The following CFAP206 variants were observed in gnomAD, a reference collection of about 807,000 sequenced individuals.
The protein encoded by CFAP206 is cilia- and flagella-associated protein 206.
In CFAP206, 53 loss-of-function variants were observed where a neutral mutation model predicts 65.4. The observed-to-expected ratio is 0.81, with a 90% confidence interval of 0.65 to 1.02. The LOEUF (loss-of-function observed/expected upper bound fraction) is 1.02, where lower values mean the gene tolerates loss of function less well. CFAP206 is among the 50% of genes least tolerant of loss of function. The probability of loss-of-function intolerance (pLI) is 0.00; values close to 1 mark genes in which losing one functional copy is unlikely to be tolerated. For synonymous variants in CFAP206, 250 were observed against 254.4 expected, an observed-to-expected ratio of 0.98 and a Z score of 0.17; for missense variants, 663 against 753.2, an observed-to-expected ratio of 0.88 and a Z score of 1.40.
intron 8 of CFAP206, among the ~76,000 whole-genome samples, chr6:87,427,450 T>G (rs982953748): frequency 5.9e-5 from 9 of 152,218 alleles, no homozygotes; most frequent in African/African-American, 2.2e-4. Flanking sequence ...ATATGTAGTA[T>G]TATTATAGAG....
At chr6:87,436,573 A>C (rs1582143287) in intron 11 of CFAP206, 1 of 152,978 alleles carries the variant, frequency 6.5e-6, no homozygotes, top group African/African-American at 2.4e-5. Context: ...TCATCTGAGG[A>C]GGGTGGGGGG....
At position 87,463,339 on chromosome 6, in the gene CFAP206, G is replaced by A. The variant is rs573010732; in HGVS notation, c.1639-681G>A. On this transcript the variant is annotated intron_variant, in intron 12 of 12. Transcript: ENST00000369562. ...TATTGGGGAGTAGTTTCGGTTCTCA[G>A]TCACCTGCAGTATCTCAAACTCTGA... Among the ~76,000 whole-genome samples the A allele has an allele frequency of 1.1e-3, 172 of 152,310 alleles. 1 individual carries two copies. The South Asian group carries it at 0.012, about 11-fold the overall frequency.
At chr6:87,416,631 AT>A in intron 5 of CFAP206, 37 bp from the exon 6 acceptor site, 1 of 1,538,808 alleles carries the variant, frequency 6.5e-7, no homozygotes, top group Non-Finnish European at 8.8e-7. Flanking sequence ...TTATTCTATC[AT>A]TTTGTTTTCC....
chr6:87,462,804 C>G (rs891219718), intron 12 of CFAP206, among the ~76,000 whole-genome samples: 2 of 152,168 alleles, frequency 1.3e-5, no homozygotes, highest in South Asian at 4.1e-4. Context: ...CTGACTCTCA[C>G]CTTGGGCCTT....
At chr6:87,422,967 G>A (rs189509062) in intron 7 of CFAP206, among the ~76,000 whole-genome samples, 4 of 152,130 alleles carry the variant, frequency 2.6e-5, no homozygotes, top group Non-Finnish European at 5.9e-5. Flanking sequence ...CTGTCACCCA[G>A]GCTGGAGTGC....
chr6:87,420,466 G>A (rs181002571), intron 7 of CFAP206, among the ~76,000 whole-genome samples: 2 of 152,336 alleles, frequency 1.3e-5, no homozygotes, highest in Admixed American at 1.3e-4. Context: ...GAAATGATGA[G>A]TGTGGTCTTT....
Position 87,409,847 on chromosome 6 carries a change from C to A in CFAP206, c.8C>A (p.Pro3Gln). The change falls in exon 2 of 13, where the codon CCA becomes CAA. Residue 3 changes from proline to glutamine, a missense_variant. Transcript: ENST00000369562. MP[P>Q]TQAESVIRSI... ...TTGTTTTATTTAGCCAGAATGCCTC[C>A]AACTCAGGCCGAAAGTGTTATAAGG... is the stretch of plus-strand genomic sequence containing the variant. The A allele has an allele frequency of 6.2e-7, 1 of 1,608,984 alleles. No individual in the cohort carries two copies.
At chr6:87,451,565 T>G (rs1768543449) in intron 11 of CFAP206, among the ~76,000 whole-genome samples, 1 of 152,002 alleles carries the variant, frequency 6.6e-6, no homozygotes, top group Non-Finnish European at 1.5e-5. Context: ...ACCCAGTACA[T>G]GCTGGCTTCA....
At chr6:87,433,669 A>G (rs1421229439) in intron 10 of CFAP206, among the ~76,000 whole-genome samples, 1 of 152,258 alleles carries the variant, frequency 6.6e-6, no homozygotes, top group Non-Finnish European at 1.5e-5. Flanking sequence ...GTATTTTTAC[A>G]TAAAATACAG....
At chr6:87,412,340 A>C (rs76572538) in intron 3 of CFAP206, among the ~76,000 whole-genome samples, 2,380 of 152,262 alleles carry the variant, frequency 0.016, 31 homozygotes, top group Non-Finnish European at 0.025. Flanking sequence ...CCTCCCAGGA[A>C]AGCAGGGCTG....
intron 11 of CFAP206, among the ~76,000 whole-genome samples, chr6:87,459,783 A>G (rs909738409): frequency 6.6e-6 from 1 of 152,190 alleles, no homozygotes; most frequent in Admixed American, 6.5e-5. Context: ...GAAAGGCTAG[A>G]ATCAGACGAC....
At chr6:87,440,574 C>A (rs541930616) in intron 11 of CFAP206, among the ~76,000 whole-genome samples, 10 of 152,048 alleles carry the variant, frequency 6.6e-5, no homozygotes, top group Non-Finnish European at 1.3e-4. Flanking sequence ...ATGTTAAAAT[C>A]GTAATATGCA....
chr6:87,454,687 A>T (rs562415832), intron 11 of CFAP206, among the ~76,000 whole-genome samples: 245 of 151,346 alleles, frequency 1.6e-3, no homozygotes, highest in African/African-American at 4.3e-3. Context: ...CTACTAAAAA[A>T]ATATAAAAAT....
At chr6:87,409,183 TTTCTCATTAA>T (rs1767683658) in intron 1 of CFAP206, among the ~76,000 whole-genome samples, 1 of 152,156 alleles carries the variant, frequency 6.6e-6, no homozygotes, top group African/African-American at 2.4e-5. Context: ...TACTCTTGGG[TTTCTCATTAA>T]TTTTACCTCC....
chr6:87,438,821 G>A (rs1302853215), intron 11 of CFAP206, among the ~76,000 whole-genome samples: 1 of 152,096 alleles, frequency 6.6e-6, no homozygotes. Flanking sequence ...TTTTCTTCAT[G>A]TAGTAAGCCA....
Position 87,418,247 on chromosome 6 carries a change from AGCAT to A in CFAP206, c.672_675del (p.His225LeufsTer28). On this transcript the variant is annotated frameshift_variant, in exon 7 of 13. Transcript: ENST00000369562. LOFTEE classifies it high-confidence loss of function. ...CATGTAGCAATCCCAGCCACCATGC[AGCAT>A]ATTGATTACCAGCTTGAGACTGCCC... is the stretch of plus-strand genomic sequence containing the variant. 1 of 1,614,210 alleles carries A rather than the reference AGCAT, an allele frequency of 6.2e-7. No homozygotes were observed. The highest frequency in any genetic ancestry group is 8.5e-7 in the Non-Finnish European group (1 of 1,180,046).
intron 11 of CFAP206, among the ~76,000 whole-genome samples, chr6:87,442,956 G>A (rs746633071): frequency 7.2e-5 from 11 of 151,848 alleles, no homozygotes; most frequent in African/African-American, 9.7e-5. Context: ...TTTGCTGTCC[G>A]TTGTTTAGAT....
intron 10 of CFAP206, among the ~76,000 whole-genome samples, chr6:87,434,484 A>G (rs1399440799): frequency 2.0e-5 from 3 of 148,298 alleles, no homozygotes; most frequent in Non-Finnish European, 3.0e-5. Context: ...CAGAGTAACA[A>G]TATTTCTTTT....
At chr6:87,458,351 A>G (rs1483960212) in intron 11 of CFAP206, among the ~76,000 whole-genome samples, 1 of 152,206 alleles carries the variant, frequency 6.6e-6, no homozygotes, top group African/African-American at 2.4e-5. Flanking sequence ...CAGTATATCA[A>G]GGAGATATCT....
Sources: allele counts gnomAD v4.1 joint callset (sites outside exome capture counted in the v4.1 genomes callset), GRCh38; gene constraint gnomAD v4.1.1; transcripts MANE v1.5; gene names NCBI Gene and HGNC (gene_info 2026-07-23, HGNC 2026-07-21).